Variants in DSCAM observed in about 807,000 individuals in gnomAD.
DSCAM encodes cell adhesion molecule DSCAM.
A neutral mutation model predicts 217.7 loss-of-function variants in DSCAM; 47 were observed. That is an observed-to-expected ratio of 0.22 (90% CI 0.17 to 0.28). The LOEUF (loss-of-function observed/expected upper bound fraction) is 0.28, where lower values mean the gene tolerates loss of function less well. DSCAM is among the 10% of genes least tolerant of loss of function. The pLI, the probability that DSCAM is intolerant of heterozygous loss-of-function variation, is 1.00. For synonymous variants in DSCAM, 1,056 were observed against 1,015.3 expected (o/e 1.04, Z -0.76); for missense variants, 2,080 against 2,618.3 (o/e 0.79, Z 4.49).
At chr21:40,636,407 A>T (rs1338680270) in intron 3 of DSCAM, among the ~76,000 whole-genome samples, 1 of 152,170 alleles carries the variant, frequency 6.6e-6, no homozygotes, top group Non-Finnish European at 1.5e-5. Flanking sequence ...AGAGGGAAGA[A>T]GGAAGGGGGT....
chr21:40,613,874 G>A (rs2089349715), intron 3 of DSCAM, among the ~76,000 whole-genome samples: 1 of 151,840 alleles, frequency 6.6e-6, no homozygotes, highest in South Asian at 2.1e-4. Flanking sequence ...TTGCTTGTCA[G>A]AATCTATTAT....
rs1387091401 is a variant in DSCAM at position 40,649,761 on chromosome 21, T to C, written c.508+43049A>G. 6.6e-5 allele frequency among the ~76,000 whole-genome samples: 10 copies of C among 152,352 alleles called. No individual in the cohort carries two copies. The East Asian group carries it at 1.7e-3, about 26-fold the overall frequency. On this transcript the variant is annotated intron_variant, in intron 3 of 32. Transcript: ENST00000400454. ...GGAAAGGTTCAGTTGAGCCCAGCTA[T>C]GCCAGCAAGCCCAGGGCACTGCAGG...
chr21:40,653,199 G>A (rs1284498158), intron 3 of DSCAM, among the ~76,000 whole-genome samples: 1 of 152,184 alleles, frequency 6.6e-6, no homozygotes, highest in Non-Finnish European at 1.5e-5. Context: ...TCAGAGTTCT[G>A]TGAGTCTCTC....
intron 10 of DSCAM, among the ~76,000 whole-genome samples, chr21:40,282,322 T>C (rs2073771741): frequency 6.6e-6 from 1 of 152,012 alleles, no homozygotes; most frequent in Non-Finnish European, 1.5e-5. Context: ...GCGCGGTGGC[T>C]CACGCCTGTA....
chr21:40,472,801 C>A (rs1569137675), intron 3 of DSCAM, among the ~76,000 whole-genome samples: 1 of 152,238 alleles, frequency 6.6e-6, no homozygotes, highest in East Asian at 1.9e-4. Context: ...CATTCCATCC[C>A]CTTCTAGAAT....
chr21:40,101,619 C>G (rs528011860), intron 20 of DSCAM, among the ~76,000 whole-genome samples: 1 of 152,162 alleles, frequency 6.6e-6, no homozygotes, highest in South Asian at 2.1e-4. Context: ...CCTGCTCTAC[C>G]GATGTCATGT....
intron 21 of DSCAM, among the ~76,000 whole-genome samples, chr21:40,091,288 C>A (rs573627824): frequency 6.6e-6 from 1 of 152,130 alleles, no homozygotes; most frequent in South Asian, 2.1e-4. Context: ...ATTTCTCTTG[C>A]GGCAAAATCT....
chr21:40,333,868 G>A (rs992156821), intron 8 of DSCAM, among the ~76,000 whole-genome samples: 1 of 152,152 alleles, frequency 6.6e-6, no homozygotes, highest in Admixed American at 6.5e-5. Context: ...CCAAGTAGCT[G>A]GGATTACAGC....
At chr21:40,059,719 G>A (rs1318639129) in intron 28 of DSCAM, among the ~76,000 whole-genome samples, 1 of 152,180 alleles carries the variant, frequency 6.6e-6, no homozygotes, top group East Asian at 1.9e-4. Context: ...TTTAGGTAAG[G>A]AAAACAAAGC....
At chr21:40,792,817 C>A (rs1468216964) in intron 1 of DSCAM, among the ~76,000 whole-genome samples, 1 of 152,184 alleles carries the variant, frequency 6.6e-6, no homozygotes, top group Non-Finnish European at 1.5e-5. Context: ...TCTACCCCTG[C>A]TGTAGAGTTT....
chr21:40,189,155 C>T lies in DSCAM; in HGVS notation c.2440G>A (p.Glu814Lys). ...KKEMSCTAHG[E>K]KPIIVRWEKE... Reference sequence around the variant, plus strand: ...TCCCAGCGGACTATAATGGGCTTCTCACCATGCGCCGTGCAGCTCATCTCC... The same window carrying T: ...TCCCAGCGGACTATAATGGGCTTCTTACCATGCGCCGTGCAGCTCATCTCC... The change falls in exon 12 of 33, where the codon GAG becomes AAG. Residue 814 changes from glutamate to lysine, a missense_variant. Transcript: ENST00000400454. 1 of 1,614,134 alleles carries T rather than the reference C, an allele frequency of 6.2e-7. No individual in the cohort carries two copies. The highest frequency in any genetic ancestry group is 8.5e-7 in the Non-Finnish European group (1 of 1,180,022).
At chr21:40,685,853 T>A (rs537647854) in intron 3 of DSCAM, among the ~76,000 whole-genome samples, 1 of 152,098 alleles carries the variant, frequency 6.6e-6, no homozygotes, top group Non-Finnish European at 1.5e-5. Flanking sequence ...AATATTCAAT[T>A]TGGAATTTTA....
chr21:40,330,845 A>G (rs1054957902), intron 8 of DSCAM, among the ~76,000 whole-genome samples: 1 of 152,256 alleles, frequency 6.6e-6, no homozygotes, highest in Non-Finnish European at 1.5e-5. Flanking sequence ...CTCATTTTAA[A>G]TAATAAATTA....
At chr21:40,271,445 C>T (rs1053923206) in intron 11 of DSCAM, among the ~76,000 whole-genome samples, 7 of 152,250 alleles carry the variant, frequency 4.6e-5, no homozygotes, top group Non-Finnish European at 8.8e-5. Flanking sequence ...CCCGGAAACA[C>T]GAGGCTTCAG....
intron 4 of DSCAM, among the ~76,000 whole-genome samples, chr21:40,360,016 A>G (rs1305299447): frequency 6.6e-6 from 1 of 151,014 alleles, no homozygotes; most frequent in East Asian, 2.0e-4. Context: ...TATTTTAGAT[A>G]TAGGCGGTAT....
chr21:40,791,879 T>G (rs908036072), intron 1 of DSCAM, among the ~76,000 whole-genome samples: 1 of 152,088 alleles, frequency 6.6e-6, no homozygotes, highest in East Asian at 1.9e-4. Context: ...GTAGATTGAC[T>G]TGGGGAGTGC....
chr21:40,755,632 G>A (rs1394927882), intron 1 of DSCAM, among the ~76,000 whole-genome samples: 1 of 152,106 alleles, frequency 6.6e-6, no homozygotes, highest in Non-Finnish European at 1.5e-5. Flanking sequence ...TGAAAATGCT[G>A]CAATAAAAAG....
chr21:40,447,979 A>C (rs2075688671), intron 3 of DSCAM, among the ~76,000 whole-genome samples: 1 of 152,246 alleles, frequency 6.6e-6, no homozygotes, highest in Non-Finnish European at 1.5e-5. Flanking sequence ...AGTTGTTATA[A>C]TATTAGCCTA....
chr21:40,438,267 T>C (rs2075601099), intron 3 of DSCAM, among the ~76,000 whole-genome samples: 1 of 151,974 alleles, frequency 6.6e-6, no homozygotes, highest in East Asian at 1.9e-4. Context: ...ATAGAGCTTG[T>C]GATATTGTCC....
Sources: allele counts gnomAD v4.1 joint callset (sites outside exome capture counted in the v4.1 genomes callset), GRCh38; gene constraint gnomAD v4.1.1; transcripts MANE v1.5; gene names NCBI Gene and HGNC (gene_info 2026-07-23, HGNC 2026-07-21).